CCDC187: variants seen among roughly 807,000 people sequenced by gnomAD.
CCDC187 encodes coiled-coil domain containing 187, also known as coiled-coil domain-containing protein 187.
Under a neutral mutation model 38.0 loss-of-function variants are expected in CCDC187, and 32 were observed. The ratio of observed to expected loss-of-function variants is 0.84; its 90% CI spans 0.64 to 1.13. CCDC187 has a LOEUF of 1.13. CCDC187 is among the 50% of genes most tolerant of loss of function. The probability of loss-of-function intolerance (pLI) is 0.00; values close to 1 mark genes in which losing one functional copy is unlikely to be tolerated. For synonymous variants in CCDC187, 333 were observed against 347.9 expected, an observed-to-expected ratio of 0.96 and a Z score of 0.48; for missense variants, 707 against 786.8, an observed-to-expected ratio of 0.90 and a Z score of 1.21.
intron 9 of CCDC187, among the ~76,000 whole-genome samples, chr9:136,283,549 A>T (rs1831097672): frequency 2.6e-5 from 4 of 152,188 alleles, no homozygotes; most frequent in Non-Finnish European, 5.9e-5. Flanking sequence ...CGGTTCATGA[A>T]TATGATTCCG....
intron 24 of CCDC187, 98 bp from the exon 25 acceptor site, chr9:136,255,831 G>T: frequency 3.7e-6 from 2 of 547,598 alleles, no homozygotes; most frequent in Non-Finnish European, 4.7e-6. Flanking sequence ...TCAGTCCACA[G>T]CTCACACTCG....
Position 136,256,363 on chromosome 9 carries a change from CCTCTGT to C in CCDC187, c.4504-46_4504-41del, listed in dbSNP as rs534299417. The C allele has an allele frequency of 7.3e-3, 6,924 of 943,454 alleles. 51 individuals carry two copies. Among genetic ancestry groups the C allele is most frequent in the Non-Finnish European group, 8.3e-3 (6,566 of 791,630 alleles). 58.4% of individuals were successfully genotyped at this position (943,454 alleles called of 1,614,324 possible). A position where few individuals can be genotyped will look rare whatever the true frequency, so the allele number is the denominator to read the frequency against. Reference sequence around the variant, plus strand: ...CAGAAATGACACTGTTGGGGTGTGGCCTCTGTCTCTGTCCACCTCCCGTAGCTGGAT... The same window carrying C: ...CAGAAATGACACTGTTGGGGTGTGGCCTCTGTCCACCTCCCGTAGCTGGAT... On this transcript the variant is annotated intron_variant, in intron 23 of 25. Transcript: ENST00000638797.
chr9:136,294,239 C>CAT (rs1268151359), intron 4 of CCDC187, among the ~76,000 whole-genome samples: 1 of 151,250 alleles, frequency 6.6e-6, no homozygotes, highest in African/African-American at 2.4e-5. Context: ...CACGCCCTCA[C>CAT]GTGGTCTCAC....
chr9:136,264,821 G>T lies in CCDC187; in HGVS notation c.3736-1023C>A, dbSNP rs62579918. On this transcript the variant is annotated intron_variant, in intron 17 of 25. Transcript: ENST00000638797. The surrounding 1 kb of genome is among the most constrained non-coding windows in gnomAD (Gnocchi z 4.3). ...CCCAGGCTGGAGTGCAGTGGTGCAA[G>T]CTCAGCTCACTGCAGCCTTGACCTC... is the stretch of plus-strand genomic sequence containing the variant. Among the ~76,000 whole-genome samples, 19,980 of 151,752 alleles carry T rather than the reference G, an allele frequency of 0.13. 1,474 individuals carry two copies. Among genetic ancestry groups the T allele is most frequent in the Admixed American group, 0.21 (3,157 of 15,238 alleles).
At chr9:136,296,651 A>G (rs1461269914) in intron 4 of CCDC187, 2 of 152,268 alleles carry the variant, frequency 1.3e-5, no homozygotes, top group Non-Finnish European at 2.9e-5. Context: ...GAAGCCCCAG[A>G]GGGACTCTGC....
Position 136,259,393 on chromosome 9 carries a change from C to CG in CCDC187, c.4265dup (p.Asp1423GlyfsTer83), listed in dbSNP as rs1385158354. 158 of 984,802 alleles carry CG rather than the reference C, an allele frequency of 1.6e-4. No homozygotes were observed. The highest frequency in any genetic ancestry group is 2.4e-4 in the South Asian group (5 of 21,242). 61.0% of individuals were successfully genotyped at this position (984,802 alleles called of 1,614,324 possible). On this transcript the variant is annotated frameshift_variant, in exon 21 of 26. Coordinates refer to ENST00000638797, the MANE Select transcript of CCDC187 (RefSeq NM_001378188.1). LOFTEE classifies it high-confidence loss of function. ...AGGCTGGGCCCAGCCGCTGTCCGTCCGGGGGGCTCACGTGCTGCAGGCCCA... is the reference window on the plus strand; with the variant it reads ...AGGCTGGGCCCAGCCGCTGTCCGTCCGGGGGGGCTCACGTGCTGCAGGCCCA...
intron 6 of CCDC187, 104 bp from the exon 7 acceptor site, chr9:136,290,157 G>C (rs1831282895): frequency 2.5e-6 from 1 of 397,830 alleles, no homozygotes; most frequent in Non-Finnish European, 4.4e-6. Context: ...GGGGTCTCAG[G>C]CTGCTTCCCC....
intron 14 of CCDC187, among the ~76,000 whole-genome samples, chr9:136,274,232 C>T (rs1211933751): frequency 6.6e-6 from 1 of 152,238 alleles, no homozygotes; most frequent in Non-Finnish European, 1.5e-5. Flanking sequence ...GACCCTCTGT[C>T]CCGGAGCAAG....
intron 10 of CCDC187, among the ~76,000 whole-genome samples, chr9:136,277,542 G>A (rs1830957441): frequency 6.6e-6 from 1 of 151,744 alleles, no homozygotes. Context: ...GGGTGCTGAT[G>A]TAAGCACCTG....
At chr9:136,255,918 G>A (rs73560776) in intron 24 of CCDC187, among the ~76,000 whole-genome samples, 185 bp from the exon 25 acceptor site, 6,355 of 152,238 alleles carry the variant, frequency 0.042, 470 homozygotes, top group African/African-American at 0.14. Flanking sequence ...TTGTCTTTGG[G>A]GGCATCCAGT....
chr9:136,292,726 C>G (rs1475623919), intron 4 of CCDC187, among the ~76,000 whole-genome samples: 1 of 152,208 alleles, frequency 6.6e-6, no homozygotes, highest in Non-Finnish European at 1.5e-5. Flanking sequence ...TGCTGCACAT[C>G]GGGCTCCGCG....
rs1215968604 is a variant in CCDC187 at position 136,262,406 on chromosome 9, C to G, written c.3969G>C (p.Gln1323His). 1 of 986,200 alleles carries G rather than the reference C, an allele frequency of 1.0e-6. No homozygotes were observed. Among genetic ancestry groups the G allele is most frequent in the Non-Finnish European group, 1.2e-6 (1 of 830,594 alleles). 61.1% of individuals were successfully genotyped at this position (986,200 alleles called of 1,614,324 possible). ...TCAGGGGACACAGGGAGGCCTCTGGCTGCTGGCTTGTCTCTGAGCCTCCCT... is the reference window on the plus strand; with the variant it reads ...TCAGGGGACACAGGGAGGCCTCTGGGTGCTGGCTTGTCTCTGAGCCTCCCT... Reference protein sequence around the residue: ...AWEGGSETSQQPEASLCPLTP... With the variant: ...AWEGGSETSQHPEASLCPLTP... Residue 1323 changes from glutamine to histidine, a missense_variant, in exon 19 of 26, where the codon CAG becomes CAC. By Grantham distance (24) the Gln-to-His change is conservative. Coordinates refer to ENST00000638797, the MANE Select transcript of CCDC187 (RefSeq NM_001378188.1).
At position 136,250,465 on chromosome 9, in the gene CCDC187, T is replaced by C. The variant is rs1198312976; in HGVS notation, c.*3129A>G. The C allele has an allele frequency of 3.2e-6, 1 of 312,252 alleles. No individual in the cohort carries two copies. Among genetic ancestry groups the C allele is most frequent in the Non-Finnish European group, 6.3e-6 (1 of 159,426 alleles). 19.3% of individuals were successfully genotyped at this position (312,252 alleles called of 1,614,324 possible). On this transcript the variant is annotated 3_prime_UTR_variant, in exon 26 of 26. Transcript: ENST00000638797. The stretch of plus-strand genomic sequence containing the variant: ...GCGGGGCTTCAGTGGTGGAGATTTA[T>C]CGTCATGCCAGATGCGTGTGTGTGA...
At position 136,286,422 on chromosome 9, in the gene CCDC187, T is replaced by A; in HGVS notation, c.2496A>T (p.Lys832Asn). The change falls in exon 8 of 26, where the codon AAA becomes AAT. Residue 832 changes from lysine to asparagine, a missense_variant. Lys to Asn is a moderately conservative substitution (Grantham distance 94). Coordinates refer to ENST00000638797, the MANE Select transcript of CCDC187 (RefSeq NM_001378188.1). Reference sequence around the variant, plus strand: ...GGCTATCGACCCGCTGCTTGAGGACTTTGGCTGTGGTCTCTAGCGCCTGCA... The same window carrying A: ...GGCTATCGACCCGCTGCTTGAGGACATTGGCTGTGGTCTCTAGCGCCTGCA... Reference protein sequence around the residue: ...AQLQALETTAKVLKQRVDSLT... With the variant: ...AQLQALETTANVLKQRVDSLT... The A allele has an allele frequency of 1.3e-5, 5 of 398,722 alleles. No homozygotes were observed. Among genetic ancestry groups the A allele is most frequent in the Non-Finnish European group, 1.3e-5 (3 of 226,104 alleles). 24.7% of individuals were successfully genotyped at this position (398,722 alleles called of 1,614,324 possible). A position where few individuals can be genotyped will look rare whatever the true frequency, so the allele number is the denominator to read the frequency against.
Position 136,258,488 on chromosome 9 carries a change from C to T in CCDC187, c.4366+444G>A, listed in dbSNP as rs908601058. 1.3e-5 allele frequency among the ~76,000 whole-genome samples: 2 copies of T among 152,096 alleles called. No homozygotes were observed. The highest frequency in any genetic ancestry group is 4.8e-5 in the African/African-American group (2 of 41,420). On this transcript the variant is annotated intron_variant, in intron 22 of 25. Coordinates refer to ENST00000638797, the MANE Select transcript of CCDC187 (RefSeq NM_001378188.1). This position sits in a 1 kb window ranked among gnomAD's most constrained non-coding sequence, Gnocchi z 4.3. ...CAGACGCACCACCAGGGTTCCCTGACACTGTGAGTGCATCTGCTCCCGCCC... is the reference window on the plus strand; with the variant it reads ...CAGACGCACCACCAGGGTTCCCTGATACTGTGAGTGCATCTGCTCCCGCCC...
chr9:136,304,563 C>T (rs911595275), upstream of CCDC187, among the ~76,000 whole-genome samples: 27 of 152,210 alleles, frequency 1.8e-4, 1 homozygote, highest in African/African-American at 6.3e-4. Flanking sequence ...CCCCGCTGGC[C>T]TCCTCGGACC....
rs888015903 is a variant in CCDC187, at chr9:136,250,904, G to A, written c.*2690C>T. 10 of 451,362 alleles carry A rather than the reference G, an allele frequency of 2.2e-5. No homozygotes were observed. The highest frequency in any genetic ancestry group is 4.0e-5 in the Non-Finnish European group (9 of 223,268). 28.0% of individuals were successfully genotyped at this position (451,362 alleles called of 1,614,324 possible). A position where few individuals can be genotyped will look rare whatever the true frequency, so the allele number is the denominator to read the frequency against. Reference sequence around the variant, plus strand: ...AGGGGCTCTTGCCTCACGGCAGGGGGCCCAAAGAGGTTCTAAGGGGCCTGG... The same window carrying A: ...AGGGGCTCTTGCCTCACGGCAGGGGACCCAAAGAGGTTCTAAGGGGCCTGG... On this transcript the variant is annotated 3_prime_UTR_variant, in exon 26 of 26. Transcript: ENST00000638797.
rs868976648 is a variant in CCDC187, at chr9:136,263,651, C to T, written c.3883G>A (p.Glu1295Lys). 1.1e-5 allele frequency: 11 copies of T among 985,464 alleles called. No homozygotes were observed. Among genetic ancestry groups the T allele is most frequent in the Non-Finnish European group, 1.2e-5 (10 of 829,940 alleles). 61.0% of individuals were successfully genotyped at this position (985,464 alleles called of 1,614,324 possible). Residue 1295 changes from glutamate (E) to lysine (K), a missense_variant, in exon 18 of 26, where the codon GAG (glutamate) becomes AAG (lysine). Transcript: ENST00000638797. ...TGCAGCTTGGCCTGGGCCTGCAGCT[C>T]GTGCGCTGGGACGACGTCCGTGGGC... ...PGPTDVVPAH[E>K]LQAQAKLQQG...
rs1292847002 is a variant in CCDC187 at position 136,251,334 on chromosome 9, TTGGG to T, written c.*2256_*2259del. The T allele has an allele frequency of 3.5e-6, 1 of 288,724 alleles. No homozygotes were observed. The highest frequency in any genetic ancestry group is 6.9e-6 in the Non-Finnish European group (1 of 144,850). 17.9% of individuals were successfully genotyped at this position (288,724 alleles called of 1,614,324 possible). On this transcript the variant is annotated 3_prime_UTR_variant, in exon 26 of 26. Coordinates refer to ENST00000638797, the MANE Select transcript of CCDC187 (RefSeq NM_001378188.1). ...TCCTGAGCATGCTCCAGAAGAGACC[TTGGG>T]CCACTGATCCCCAGAGGAAAAGCCC... is the stretch of plus-strand genomic sequence containing the variant.
Sources: allele counts gnomAD v4.1 joint callset (sites outside exome capture counted in the v4.1 genomes callset), GRCh38; gene constraint gnomAD v4.1.1; non-coding constraint Gnocchi (gnomAD v3.1); transcripts MANE v1.5; gene names NCBI Gene and HGNC (gene_info 2026-07-23, HGNC 2026-07-21).